Variants in SORCS1 observed in about 807,000 individuals in gnomAD.
SORCS1 encodes the protein sortilin related VPS10 domain containing receptor 1.
Under a neutral mutation model 146.1 loss-of-function variants are expected in SORCS1, and 60 were observed. The ratio of observed to expected loss-of-function variants is 0.41; its 90% CI spans 0.33 to 0.51. The LOEUF (loss-of-function observed/expected upper bound fraction) is 0.51, where lower values mean the gene tolerates loss of function less well. Among genes scored for constraint, SORCS1 ranks in the 20% least tolerant of loss-of-function variants. The probability of loss-of-function intolerance (pLI) is 0.21; values close to 1 mark genes in which losing one functional copy is unlikely to be tolerated. For missense variants in SORCS1, 1,352 were observed against 1,487.6 expected, an observed-to-expected ratio of 0.91 and a Z score of 1.50; for synonymous variants, 637 against 584.0, an observed-to-expected ratio of 1.09 and a Z score of -1.31.
intron 1 of SORCS1, among the ~76,000 whole-genome samples, chr10:107,093,166 C>A (rs1304538873): frequency 6.6e-6 from 1 of 152,120 alleles, no homozygotes; most frequent in Non-Finnish European, 1.5e-5. Context: ...TTTTTTTTAA[C>A]CAAGATGCAG....
intron 1 of SORCS1, among the ~76,000 whole-genome samples, chr10:106,988,970 G>A (rs888706345): frequency 3.3e-5 from 5 of 151,802 alleles, no homozygotes; most frequent in Admixed American, 6.6e-5. Context: ...TTAGAATACT[G>A]CAAGTGCCTC....
At chr10:106,927,423 C>T (rs1033890251) in intron 2 of SORCS1, among the ~76,000 whole-genome samples, 2 of 151,966 alleles carry the variant, frequency 1.3e-5, no homozygotes, top group Admixed American at 6.6e-5. Flanking sequence ...CAGACCTTGG[C>T]GGTGAGTGTT....
chr10:106,878,521 T>C (rs74480494), intron 2 of SORCS1, among the ~76,000 whole-genome samples: 1 of 150,006 alleles, frequency 6.7e-6, no homozygotes, highest in Non-Finnish European at 1.5e-5. Context: ...ATGAACCCCA[T>C]AAAGAGCCTT....
At position 107,164,324 on chromosome 10, in the gene SORCS1, G is replaced by A. The variant is rs371658557; in HGVS notation, c.203C>T (p.Thr68Met). Reference sequence around the variant, plus strand: ...GGGACGCACTACGAGGGGCAGGGGCGTGGCAGGAGCCCTGCCTGGCCGCCC... The same window carrying A: ...GGGACGCACTACGAGGGGCAGGGGCATGGCAGGAGCCCTGCCTGGCCGCCC... ...HQGRPGRAPA[T>M]PLPLVVRPLF... is the part of the protein sequence containing the mutation. The change falls in exon 1 of 26, where the codon ACG (threonine) becomes ATG (methionine). Residue 68 changes from threonine to methionine, a missense_variant. By Grantham distance (81) the Thr-to-Met change is moderately conservative. Coordinates refer to ENST00000263054, the MANE Select transcript of SORCS1 (RefSeq NM_052918.5). The surrounding 1 kb of genome is among the most constrained non-coding windows in gnomAD (Gnocchi z 6.8). The A allele has an allele frequency of 6.0e-4, 931 of 1,555,734 alleles. 4 individuals are homozygous for A. Among genetic ancestry groups the A allele is most frequent in the Non-Finnish European group, 7.4e-4 (853 of 1,154,112 alleles).
At chr10:106,926,824 TATATACACACACAC>T (rs1217666106) in intron 2 of SORCS1, among the ~76,000 whole-genome samples, 1 of 14,534 alleles carries the variant, frequency 6.9e-5, no homozygotes, top group South Asian at 6.0e-3. Flanking sequence ...CTAAGGAATA[TATATACACACACAC>T]ACACACACAC....
chr10:106,736,722 A>G (rs1856975627), intron 5 of SORCS1, among the ~76,000 whole-genome samples: 1 of 152,052 alleles, frequency 6.6e-6, no homozygotes, highest in Non-Finnish European at 1.5e-5. Flanking sequence ...GATAATCTAC[A>G]AAGCAGCCGA....
At chr10:106,949,788 TTGAGAAGTCAGCCA>T (rs1289273202) in intron 2 of SORCS1, among the ~76,000 whole-genome samples, 2 of 152,132 alleles carry the variant, frequency 1.3e-5, no homozygotes, top group African/African-American at 4.8e-5. Context: ...GACACTGAAT[TTGAGAAGTCAGCCA>T]TGTCAGGCAA....
chr10:107,174,821 A>C, the SORCS1 span, among the ~76,000 whole-genome samples: 2 of 152,180 alleles, frequency 1.3e-5, no homozygotes, highest in Non-Finnish European at 2.9e-5. Context: ...TAGAAATGGT[A>C]ATAATTTAAA....
At chr10:107,119,694 A>T (rs1379358056) in intron 1 of SORCS1, among the ~76,000 whole-genome samples, 1 of 152,198 alleles carries the variant, frequency 6.6e-6, no homozygotes, top group Non-Finnish European at 1.5e-5. Flanking sequence ...ATCCACAGAG[A>T]GATTAACCTA....
At chr10:107,057,836 C>G (rs897934603) in intron 1 of SORCS1, among the ~76,000 whole-genome samples, 5 of 152,030 alleles carry the variant, frequency 3.3e-5, no homozygotes, top group African/African-American at 1.2e-4. Context: ...AGAGAGGAGT[C>G]TCACTATTCT....
At chr10:106,852,455 C>G (rs1949622344) in intron 2 of SORCS1, among the ~76,000 whole-genome samples, 1 of 151,854 alleles carries the variant, frequency 6.6e-6, no homozygotes, top group Non-Finnish European at 1.5e-5. Context: ...TGGTGAAACC[C>G]TGTCTCTACT....
At chr10:106,623,248 T>C (rs1847868042) in intron 19 of SORCS1, among the ~76,000 whole-genome samples, 1 of 151,422 alleles carries the variant, frequency 6.6e-6, no homozygotes, top group South Asian at 2.1e-4. Context: ...GTGAGCTTTT[T>C]TTTTTTTTTT....
intron 1 of SORCS1, among the ~76,000 whole-genome samples, chr10:107,074,925 TCTGA>T (rs776988813): frequency 8.5e-5 from 13 of 152,192 alleles, no homozygotes; most frequent in Non-Finnish European, 1.5e-4. Flanking sequence ...AAGTATATTC[TCTGA>T]CTGTTTTCAT....
chr10:106,943,587 C>G (rs1000329393), intron 2 of SORCS1, among the ~76,000 whole-genome samples: 1 of 151,938 alleles, frequency 6.6e-6, no homozygotes, highest in Non-Finnish European at 1.5e-5. Context: ...GTGGCCGGAT[C>G]ATGAGGTCAG....
intron 2 of SORCS1, among the ~76,000 whole-genome samples, chr10:106,899,134 A>G (rs1951600053): frequency 6.6e-6 from 1 of 152,176 alleles, no homozygotes; most frequent in Non-Finnish European, 1.5e-5. Context: ...CACAGAACCA[A>G]GCCATATTTT....
intron 1 of SORCS1, among the ~76,000 whole-genome samples, chr10:107,083,119 A>G (rs1008985804): frequency 6.6e-6 from 1 of 151,598 alleles, no homozygotes. Flanking sequence ...ACAAAAAAAA[A>G]AAAAAAAAAA....
chr10:106,624,346 ATTTTTTTTTTTTTTTTTTTTTTT>A (rs57785797), intron 19 of SORCS1, among the ~76,000 whole-genome samples: 4 of 69,406 alleles, frequency 5.8e-5, no homozygotes, highest in Non-Finnish European at 1.0e-4. Flanking sequence ...GTCAATGACG[ATTTTTTTTTTTTTTTTTTTTTTT>A]TTTTTTTTTG....
At chr10:106,983,206 A>C (rs531327119) in intron 1 of SORCS1, among the ~76,000 whole-genome samples, 216 of 147,558 alleles carry the variant, frequency 1.5e-3, no homozygotes, top group African/African-American at 5.0e-3. Context: ...ACATATTTCT[A>C]TATATAAATA....
chr10:106,934,114 A>T (rs1156771261), intron 2 of SORCS1, among the ~76,000 whole-genome samples: 1 of 151,602 alleles, frequency 6.6e-6, no homozygotes, highest in Non-Finnish European at 1.5e-5. Context: ...AAAAAAAAAA[A>T]AAAAGAAAGA....
Sources: gnomAD v4.1 joint callset for allele counts (sites outside exome capture counted in the v4.1 genomes callset) on GRCh38, gnomAD v4.1.1 for gene constraint, Gnocchi (gnomAD v3.1) non-coding constraint, MANE v1.5 for transcripts, NCBI Gene and HGNC (gene_info 2026-07-23, HGNC 2026-07-21) for gene names.